Variants in ABCA8 observed in about 807,000 individuals in gnomAD.
The protein encoded by ABCA8 is ABC-type organic anion transporter ABCA8.
In ABCA8, 177 loss-of-function variants were observed where a neutral mutation model predicts 192.3. The ratio of observed to expected loss-of-function variants is 0.92; its 90% CI spans 0.81 to 1.04. ABCA8 has a LOEUF of 1.04. Among genes scored for constraint, ABCA8 ranks in the 50% least tolerant of loss-of-function variants. The pLI is 0.00. For missense variants in ABCA8, 1,915 were observed against 1,904.8 expected (o/e 1.01, Z -0.10); for synonymous variants, 642 against 690.2 (o/e 0.93, Z 1.09).
intron 22 of ABCA8, 118 bp downstream of exon 22, chr17:68,894,758 CTAAG>C: frequency 8.8e-7 from 1 of 1,131,320 alleles, no homozygotes; most frequent in Non-Finnish European, 1.2e-6. Context: ...ATACAATTCA[CTAAG>C]TAATAAATGA....
intron 21 of ABCA8, among the ~76,000 whole-genome samples, chr17:68,899,699 G>C (rs1471300894): frequency 6.6e-6 from 1 of 152,010 alleles, no homozygotes; most frequent in African/African-American, 2.4e-5. Context: ...TGAGCTAAAG[G>C]CAAGGACATC....
intron 7 of ABCA8, 162 bp downstream of exon 7, chr17:68,932,126 C>T (rs541422233): frequency 3.8e-6 from 2 of 526,592 alleles, no homozygotes; most frequent in Admixed American, 3.1e-5. Context: ...AGGAGAATGG[C>T]GTGAACCTGT....
chr17:68,941,949 T>C lies in ABCA8; in HGVS notation c.86A>G (p.Glu29Gly). ...NFLKKWRMKR[E>G]SLMEWLNSLL... is the part of the protein sequence containing the mutation. Reference sequence around the variant, plus strand: ...GATATTGAGTCATACCATTAAGGACTCTCTTTTCATTCTCCATTTTTTAAG... The same window carrying C: ...GATATTGAGTCATACCATTAAGGACCCTCTTTTCATTCTCCATTTTTTAAG... Residue 29 changes from glutamate (E) to glycine (G), a missense_variant, in exon 3 of 40, where the codon GAG becomes GGG. Physicochemically the swap from Glu to Gly is moderately conservative, Grantham distance 98. Coordinates refer to ENST00000586539, the MANE Select transcript of ABCA8 (RefSeq NM_001288985.2). The C allele has an allele frequency of 6.2e-7, 1 of 1,607,340 alleles. No homozygotes were observed. The highest frequency in any genetic ancestry group is 8.5e-7 in the Non-Finnish European group (1 of 1,174,322).
chr17:68,903,993 T>C (rs972746395), intron 19 of ABCA8, among the ~76,000 whole-genome samples: 11 of 152,154 alleles, frequency 7.2e-5, no homozygotes, highest in Middle Eastern at 3.2e-3. Context: ...CTGTCCATTG[T>C]ATAATGCTAA....
chr17:68,904,721 A>G (rs563163557), intron 19 of ABCA8, among the ~76,000 whole-genome samples: 6 of 152,294 alleles, frequency 3.9e-5, no homozygotes, highest in African/African-American at 1.4e-4. Context: ...GCATAGGAAC[A>G]GTACAGCAGT....
rs150598830 is a variant in ABCA8, at chr17:68,890,799, G to A, written c.3144+690C>T. Among the ~76,000 whole-genome samples the A allele has an allele frequency of 2.9e-3, 440 of 152,292 alleles. 2 individuals carry two copies. Among genetic ancestry groups the A allele is most frequent in the African/African-American group, 0.01 (420 of 41,556 alleles). On this transcript the variant is annotated intron_variant, in intron 24 of 39. Transcript: ENST00000586539. ...TTCCCAAAGTGCTGAGATTACAGGC[G>A]TGAGCCACCAAGCTCGGCTGCCTTT... is the stretch of plus-strand genomic sequence containing the variant.
rs1376285078 is a variant in ABCA8 at position 68,932,325 on chromosome 17, A to G, written c.760T>C (p.Leu254=). Residue 254 remains leucine, a synonymous_variant, in exon 7 of 40, where the codon TTG becomes CTG. Coordinates refer to ENST00000586539, the MANE Select transcript of ABCA8 (RefSeq NM_001288985.2). ...VTRERKRMKA[L]MTMMGLRDSA... ...TCCCGAAGACCCATCATTGTCATCA[A>G]GGCCTTCATCCTTTTCCTCTCTCTT... The G allele has an allele frequency of 6.2e-7, 1 of 1,613,954 alleles. No homozygotes were observed. Among genetic ancestry groups the G allele is most frequent in the South Asian group, 1.1e-5 (1 of 91,084 alleles).
intron 1 of ABCA8, among the ~76,000 whole-genome samples, chr17:68,953,726 A>T (rs1206503814): frequency 2.0e-5 from 3 of 152,162 alleles, no homozygotes; most frequent in African/African-American, 4.8e-5. Context: ...CTTACCTAAA[A>T]TCACACTCCG....
intron 21 of ABCA8, among the ~76,000 whole-genome samples, chr17:68,896,285 A>G: frequency 6.6e-6 from 1 of 152,156 alleles, no homozygotes; most frequent in Non-Finnish European, 1.5e-5. Flanking sequence ...CAAAACAGAG[A>G]GTTAAGAAGA....
At chr17:68,924,137 G>A (rs1331998104) in intron 11 of ABCA8, among the ~76,000 whole-genome samples, 1 of 151,874 alleles carries the variant, frequency 6.6e-6, no homozygotes, top group African/African-American at 2.4e-5. Context: ...AAGTGAAGTT[G>A]GGTGTTAAAG....
intron 24 of ABCA8, 35 bp downstream of exon 24, chr17:68,891,454 G>T: frequency 6.9e-7 from 1 of 1,446,236 alleles, no homozygotes; most frequent in Non-Finnish European, 9.6e-7. Context: ...TTTCAATTAT[G>T]CAAAATAATG....
intron 17 of ABCA8, 127 bp from the exon 18 acceptor site, chr17:68,908,006 AC>A (rs2067127925): frequency 1.1e-6 from 1 of 901,530 alleles, no homozygotes; most frequent in Non-Finnish European, 1.5e-6. Flanking sequence ...AATAGGTCAG[AC>A]AAACACAAAA....
intron 2 of ABCA8, among the ~76,000 whole-genome samples, chr17:68,943,486 G>T (rs1254536330): frequency 6.6e-6 from 1 of 152,056 alleles, no homozygotes; most frequent in Non-Finnish European, 1.5e-5. Flanking sequence ...AAGATTTCCT[G>T]GATTTTTCTT....
Position 68,876,562 on chromosome 17 carries a change from G to C in ABCA8, c.4276-8C>G. ...GCTCAGGACAAAGCACAGCTGCAAC[G>C]GGAGGAACAGCCCATCTGGTTCCCA... is the stretch of plus-strand genomic sequence containing the variant. On this transcript the variant is annotated splice_region_variant and splice_polypyrimidine_tract_variant and intron_variant, in intron 34 of 39. Coordinates refer to ENST00000586539, the MANE Select transcript of ABCA8 (RefSeq NM_001288985.2). 1 of 1,614,094 alleles carries C rather than the reference G, an allele frequency of 6.2e-7. No individual in the cohort carries two copies. The highest frequency in any genetic ancestry group is 8.5e-7 in the Non-Finnish European group (1 of 1,180,000).
At chr17:68,910,954 C>T (rs910553983) in intron 17 of ABCA8, among the ~76,000 whole-genome samples, 13 of 151,748 alleles carry the variant, frequency 8.6e-5, no homozygotes, top group African/African-American at 2.9e-4. Flanking sequence ...CAGTACTTGC[C>T]ACAGGCCTTG....
rs2067752612 is a variant in ABCA8 at position 68,928,091 on chromosome 17, G to A, written c.1126-28C>T. On this transcript the variant is annotated intron_variant, in intron 9 of 39. Transcript: ENST00000586539. ...GAAAATTAAAAAGTAATTAATTAAG[G>A]GAAATTAGGTATAAGATACATTTTA... 2.6e-6 allele frequency: 4 copies of A among 1,525,842 alleles called. 1 individual carries two copies. Among genetic ancestry groups the A allele is most frequent in the South Asian group, 2.4e-5 (2 of 82,582 alleles). 94.5% of individuals were successfully genotyped at this position (1,525,842 alleles called of 1,614,324 possible).
In ABCA8 at chr17:68,887,522, C is replaced by T. The variant is rs769711019; in HGVS notation, c.3145-16G>A. On this transcript the variant is annotated splice_polypyrimidine_tract_variant and intron_variant, in intron 24 of 39. Coordinates refer to ENST00000586539, the MANE Select transcript of ABCA8 (RefSeq NM_001288985.2). Reference sequence around the variant, plus strand: ...GAGCTCTGTTCTAATTAGGAGACAGCAAAGATACAAAGTTTGTGGCTTAAG... The same window carrying T: ...GAGCTCTGTTCTAATTAGGAGACAGTAAAGATACAAAGTTTGTGGCTTAAG... The T allele has an allele frequency of 8.9e-6, 14 of 1,570,764 alleles. No individual in the cohort carries two copies. In the East Asian group the frequency reaches 2.3e-4, roughly 25 times the overall value.
At chr17:68,891,463 T>C in intron 24 of ABCA8, 26 bp downstream of exon 24, 1 of 1,507,918 alleles carries the variant, frequency 6.6e-7, no homozygotes, top group Non-Finnish European at 9.2e-7. Flanking sequence ...TGCAAAATAA[T>C]GGAAGTTGCA....
intron 21 of ABCA8, among the ~76,000 whole-genome samples, chr17:68,901,444 T>C (rs938926671): frequency 6.6e-6 from 1 of 152,114 alleles, no homozygotes; most frequent in Non-Finnish European, 1.5e-5. Flanking sequence ...ACATACACGA[T>C]GATGCATGTA....
Sources: allele counts gnomAD v4.1 joint callset (sites outside exome capture counted in the v4.1 genomes callset), GRCh38; gene constraint gnomAD v4.1.1; transcripts MANE v1.5; gene names NCBI Gene and HGNC (gene_info 2026-07-23, HGNC 2026-07-21).